Variants in PLCH2 observed in about 807,000 individuals in gnomAD.
The protein encoded by PLCH2 is 1-phosphatidylinositol 4,5-bisphosphate phosphodiesterase eta-2.
In PLCH2, 98 loss-of-function variants were observed where a neutral mutation model predicts 134.7. The observed-to-expected ratio is 0.73, with a 90% CI of 0.62 to 0.86. The LOEUF is 0.86. PLCH2 is among the 40% of genes least tolerant of loss of function. PLCH2 has a pLI of 0.00. For missense variants in PLCH2, 1,994 were observed against 1,986.6 expected (o/e 1.00, Z -0.07); for synonymous variants, 974 against 827.5 (o/e 1.18, Z -3.04).
chr1:2,434,373 T>A (rs942241258), intron 2 of PLCH2, among the ~76,000 whole-genome samples: 3 of 151,950 alleles, frequency 2.0e-5, no homozygotes, highest in Admixed American at 6.5e-5. Context: ...GTGGGGCCCC[T>A]TCTCTCCCGG....
rs1557998297 is a variant in PLCH2, at chr1:2,479,812, A to G, written c.350A>G (p.Asp117Gly). 1 of 1,599,492 alleles carries G rather than the reference A, an allele frequency of 6.3e-7. No homozygotes were observed. The highest frequency in any genetic ancestry group is 2.3e-5 in the East Asian group (1 of 44,024). ...VFQRYPDGSFDPNCCFSIYHG... is the reference protein window; with the variant it reads ...VFQRYPDGSFGPNCCFSIYHG... Reference sequence around the variant, plus strand: ...CAGCGCTACCCTGACGGCAGCTTCGACCCCAACTGCTGCTTCAGCATCTAC... The same window carrying G: ...CAGCGCTACCCTGACGGCAGCTTCGGCCCCAACTGCTGCTTCAGCATCTAC... The change falls in exon 3 of 22, where the codon GAC becomes GGC. Residue 117 changes from aspartate (D) to glycine (G), a missense_variant. Around this residue, in one of 2 missense-constraint regions of PLCH2, gnomAD observed 1,094 missense variants for 1,234.3 expected, o/e 0.89. Transcript: ENST00000378486.
intron 2 of PLCH2, among the ~76,000 whole-genome samples, chr1:2,433,096 C>A (rs191213675): frequency 1.3e-5 from 2 of 152,332 alleles, no homozygotes; most frequent in East Asian, 3.9e-4. Context: ...CCACTGAACT[C>A]AGAGGTGGGA....
upstream of PLCH2, among the ~76,000 whole-genome samples, chr1:2,464,246 C>T (rs1259436036): frequency 1.3e-5 from 2 of 152,180 alleles, no homozygotes; most frequent in East Asian, 3.9e-4. Flanking sequence ...ACGAGCTTCT[C>T]CCCTCCCCAC....
At chr1:2,459,714 C>T (rs1274147051) in intron 2 of PLCH2, among the ~76,000 whole-genome samples, 4 of 150,210 alleles carry the variant, frequency 2.7e-5, no homozygotes, top group Non-Finnish European at 4.4e-5. Flanking sequence ...TCTTCCTTTC[C>T]GGTGGTCCTC....
chr1:2,428,606 A>G (rs1490793748), intron 1 of PLCH2, among the ~76,000 whole-genome samples: 4 of 152,186 alleles, frequency 2.6e-5, no homozygotes, highest in African/African-American at 9.7e-5. Flanking sequence ...ATTAGGTTGG[A>G]CTGTGCCAGC....
In PLCH2 at chr1:2,444,578, T is replaced by C. The variant is rs72924975; in HGVS notation, c.115+13949T>C. Among the ~76,000 whole-genome samples, 6,975 of 152,226 alleles carry C rather than the reference T, an allele frequency of 0.046. 569 individuals are homozygous for C. Among genetic ancestry groups the C allele is most frequent in the African/African-American group, 0.16 (6,599 of 41,518 alleles). ...TGAGGGGTCTCCTGGGCTCTGGACC[T>C]GCCGGCAGAGCTACAGGGTATTCTT... On this transcript the variant is annotated intron_variant, in intron 2 of 3. Transcript: ENST00000609981. This position sits in a 1 kb window ranked among gnomAD's most constrained non-coding sequence, Gnocchi z 4.6.
At chr1:2,489,699 C>A (rs1642464154) in intron 9 of PLCH2, 61 bp from the exon 10 acceptor site, 1 of 1,337,168 alleles carries the variant, frequency 7.5e-7, no homozygotes, top group East Asian at 2.3e-5. Context: ...TTGTGGGTGC[C>A]AGGTACTGGC....
At chr1:2,496,419 G>C (rs1482233136) in intron 13 of PLCH2, among the ~76,000 whole-genome samples, 188 bp from the exon 14 acceptor site, 2 of 152,192 alleles carry the variant, frequency 1.3e-5, no homozygotes, top group Non-Finnish European at 2.9e-5. Context: ...GTAGCTCCCA[G>C]CCAGCCCACA....
chr1:2,438,449 C>G (rs1277689764), intron 2 of PLCH2, among the ~76,000 whole-genome samples: 1 of 152,154 alleles, frequency 6.6e-6, no homozygotes, highest in African/African-American at 2.4e-5. Context: ...GAGGCACTCC[C>G]TCCTGTACTG....
At chr1:2,417,723 C>A in the PLCH2 span, among the ~76,000 whole-genome samples, 47 of 152,278 alleles carry the variant, frequency 3.1e-4, no homozygotes, top group African/African-American at 1.1e-3. Context: ...GGCACTGCCA[C>A]GCCACCTTCC....
intron 2 of PLCH2, among the ~76,000 whole-genome samples, chr1:2,440,705 C>T (rs1310703012): frequency 2.6e-5 from 4 of 151,446 alleles, no homozygotes; most frequent in South Asian, 2.1e-4. Flanking sequence ...CCGGCCTGCC[C>T]GGGGATCTTG....
chr1:2,472,469 A>G (rs995878907), upstream of PLCH2, among the ~76,000 whole-genome samples: 6 of 152,202 alleles, frequency 3.9e-5, no homozygotes, highest in African/African-American at 1.4e-4. Flanking sequence ...AGCCAGGGCC[A>G]GGAAGGGCTG....
At chr1:2,473,259 G>A (rs1363193438), upstream of PLCH2, among the ~76,000 whole-genome samples, 1 of 152,230 alleles carries the variant, frequency 6.6e-6, no homozygotes, top group Non-Finnish European at 1.5e-5. Context: ...AGGTCGGGGG[G>A]CAGGCCCAGG....
At chr1:2,434,159 C>T (rs1639211226) in intron 2 of PLCH2, among the ~76,000 whole-genome samples, 1 of 152,256 alleles carries the variant, frequency 6.6e-6, no homozygotes, top group Non-Finnish European at 1.5e-5. Flanking sequence ...CTCCCACCTT[C>T]AGCTTCTTAC....
In PLCH2 at chr1:2,448,532, C is replaced by G. The variant is rs1000987329; in HGVS notation, c.115+17903C>G. Among the ~76,000 whole-genome samples, 1 of 152,188 alleles carries G rather than the reference C, an allele frequency of 6.6e-6. No homozygotes were observed. The highest frequency in any genetic ancestry group is 6.5e-5 in the Admixed American group (1 of 15,284). On this transcript the variant is annotated intron_variant, in intron 2 of 3. Transcript: ENST00000609981. The surrounding 1 kb of genome is among the most constrained non-coding windows in gnomAD (Gnocchi z 4.0). ...CGGCGCAGGCCTTTCACTGAGCACG[C>G]CCTCAGAGACCCTTTTTCCAAATAA... is the stretch of plus-strand genomic sequence containing the variant.
Position 2,498,969 on chromosome 1 carries a change from C to A in PLCH2, c.2435-115C>A, listed in dbSNP as rs972085948. On this transcript the variant is annotated intron_variant, in intron 18 of 21. Coordinates refer to ENST00000378486, the MANE Select transcript of PLCH2 (RefSeq NM_014638.4). This position sits in a 1 kb window ranked among gnomAD's most constrained non-coding sequence, Gnocchi z 5.4. ...CGCCCTCCCCTCTAGGTGGGCAGTC[C>A]CGGAAGCAGCACCGGGAGTGGCACT... 7.0e-7 allele frequency: 1 copy of A among 1,429,336 alleles called. No individual in the cohort carries two copies. The highest frequency in any genetic ancestry group is 9.6e-7 in the Non-Finnish European group (1 of 1,045,744). The allele number at this position is 1,429,336 out of a possible 1,614,324, so 88.5% of individuals were successfully genotyped here. A position where few individuals can be genotyped will look rare whatever the true frequency, so the allele number is the denominator to read the frequency against.
chr1:2,496,858 G>T lies in PLCH2; in HGVS notation c.1964G>T (p.Ser655Ile), dbSNP rs1231233873. 6.2e-7 allele frequency: 1 copy of T among 1,612,584 alleles called. No homozygotes were observed. The highest frequency in any genetic ancestry group is 8.5e-7 in the Non-Finnish European group (1 of 1,179,578). ...AASSWQVSSF[S>I]ETKAHQILQQ... ...TCCAGCTGGCAGGTGTCGTCCTTCA[G>T]CGAGACCAAGGCCCACCAGATTCTG... The change falls in exon 15 of 22, where the codon AGC (serine) becomes ATC (isoleucine). Residue 655 changes from serine (S) to isoleucine (I), a missense_variant. This residue lies in a region of PLCH2 where 1,094 missense variants were observed against 1,234.3 expected (regional missense o/e 0.89). Transcript: ENST00000378486.
At chr1:2,465,879 C>T (rs1259782944), upstream of PLCH2, among the ~76,000 whole-genome samples, 5 of 152,114 alleles carry the variant, frequency 3.3e-5, no homozygotes, top group African/African-American at 4.8e-5. Context: ...GTGGCTGGGT[C>T]GGGACCTGCA....
At chr1:2,491,121 T>A in intron 10 of PLCH2, 71 bp from the exon 11 acceptor site, 1 of 1,459,408 alleles carries the variant, frequency 6.9e-7, no homozygotes, top group Non-Finnish European at 9.3e-7. Flanking sequence ...GCTGTGACCC[T>A]GGGGGTTGTC....
Sources: allele counts gnomAD v4.1 joint callset (sites outside exome capture counted in the v4.1 genomes callset), GRCh38; gene constraint gnomAD v4.1.1; regional missense constraint gnomAD v4.1.1; non-coding constraint Gnocchi (gnomAD v3.1); transcripts MANE v1.5; gene names NCBI Gene and HGNC (gene_info 2026-07-23, HGNC 2026-07-21).